The following MLKL variants were observed in gnomAD, a reference collection of about 807,000 sequenced individuals.
MLKL encodes mixed lineage kinase domain like pseudokinase.
Under a neutral mutation model 56.5 loss-of-function variants are expected in MLKL, and 55 were observed. The observed-to-expected ratio is 0.97, with a 90% CI of 0.78 to 1.22. The LOEUF is 1.22. Ranked by LOEUF, MLKL falls within the 50% of genes most tolerant of loss-of-function variation. The pLI, the probability that MLKL is intolerant of heterozygous loss-of-function variation, is 0.00. For missense variants in MLKL, 694 were observed against 573.9 expected, an observed-to-expected ratio of 1.21 and a Z score of -2.14; for synonymous variants, 251 against 208.3, an observed-to-expected ratio of 1.20 and a Z score of -1.76.
At chr16:74,685,432 G>C in intron 5 of MLKL, 54 bp downstream of exon 5, 1 of 1,278,294 alleles carries the variant, frequency 7.8e-7, no homozygotes, top group South Asian at 1.2e-5. Flanking sequence ...TTAAAACACA[G>C]GAGGTGTGTT....
At chr16:74,675,818 A>G (rs1703972078) in intron 7 of MLKL, 54 bp from the exon 8 acceptor site, 2 of 1,579,686 alleles carry the variant, frequency 1.3e-6, no homozygotes, top group Non-Finnish European at 1.7e-6. Context: ...GTAGAGGAGT[A>G]AAGGGCAGGG....
chr16:74,688,662 G>C (rs1960482232), intron 4 of MLKL, among the ~76,000 whole-genome samples: 1 of 152,002 alleles, frequency 6.6e-6, no homozygotes, highest in African/African-American at 2.4e-5. Flanking sequence ...TGCAGTGACT[G>C]ATATCACACC....
rs774989464 is a variant in MLKL, at chr16:74,691,439, T to G, written c.560A>C (p.Glu187Ala). The change falls in exon 4 of 11, where the codon GAG (glutamate) becomes GCG (alanine). Residue 187 changes from glutamate (E) to alanine (A), a missense_variant. Coordinates refer to ENST00000308807, the MANE Select transcript of MLKL (RefSeq NM_152649.4). The part of the protein sequence containing the change: ...RQYLPPKCMQ[E>A]IPQEQIKEIK... ...CTCCTTGATTTGCTCTTGCGGGATC[T>G]CCTGCATGCATTTTGGTGGTAAATC... is the stretch of plus-strand genomic sequence containing the variant. 1.2e-6 allele frequency: 2 copies of G among 1,613,558 alleles called. No individual in the cohort carries two copies. The highest frequency in any genetic ancestry group is 2.2e-5 in the South Asian group (2 of 91,034).
chr16:74,675,470 C>T, intron 8 of MLKL, 66 bp from the exon 9 acceptor site: 1 of 1,586,760 alleles, frequency 6.3e-7, no homozygotes, highest in Non-Finnish European at 8.6e-7. Context: ...CCTCTAGCCA[C>T]TGCCAGAAAA....
rs757908581 is a variant in MLKL, at chr16:74,675,010, A to T, written c.1331T>A (p.Ile444Asn). 2 of 1,613,994 alleles carry T rather than the reference A, an allele frequency of 1.2e-6. No homozygotes were observed. The highest frequency in any genetic ancestry group is 2.2e-5 in the East Asian group (1 of 44,896). Reference sequence around the variant, plus strand: ...ATCATGGGCCCGGCACTCATCAATGATCTCCCGCAGCTCTGAAGGGCAGTC... The same window carrying T: ...ATCATGGGCCCGGCACTCATCAATGTTCTCCCGCAGCTCTGAAGGGCAGTC... Reference protein sequence around the residue: ...GEDCPSELREIIDECRAHDPS... With the variant: ...GEDCPSELRENIDECRAHDPS... Residue 444 changes from isoleucine to asparagine, a missense_variant, in exon 10 of 11, where the codon ATC (isoleucine) becomes AAC (asparagine). Ile to Asn is a moderately radical substitution (Grantham distance 149). Coordinates refer to ENST00000308807, the MANE Select transcript of MLKL (RefSeq NM_152649.4).
chr16:74,682,315 G>A (rs923718428), intron 6 of MLKL, among the ~76,000 whole-genome samples: 1 of 152,096 alleles, frequency 6.6e-6, no homozygotes, highest in Non-Finnish European at 1.5e-5. Context: ...TGTTTAGGAT[G>A]CACTTATACT....
chr16:74,680,114 C>A (rs11640974), intron 6 of MLKL, among the ~76,000 whole-genome samples: 20,791 of 152,116 alleles, frequency 0.14, 1,999 homozygotes, highest in South Asian at 0.44. Flanking sequence ...GCACTTTCAG[C>A]TGTCTATAAG....
At chr16:74,676,155 G>C (rs1959583091) in intron 7 of MLKL, 1 of 727,684 alleles carries the variant, frequency 1.4e-6, no homozygotes, top group African/African-American at 1.9e-5. Flanking sequence ...TAGAGCCACT[G>C]CCTGGCTCGC....
At chr16:74,687,365 A>G (rs147045398) in intron 4 of MLKL, among the ~76,000 whole-genome samples, 87 of 152,302 alleles carry the variant, frequency 5.7e-4, no homozygotes, top group African/African-American at 1.8e-3. Flanking sequence ...ACATTTTCCA[A>G]ATTGACCTAC....
Position 74,682,714 on chromosome 16 carries a change from T to C in MLKL, c.893A>G (p.Glu298Gly), listed in dbSNP as rs1284644578. The change falls in exon 6 of 11, where the codon GAA becomes GGA. Residue 298 changes from glutamate to glycine, a missense_variant. Transcript: ENST00000308807. ...LGTLRELLDR[E>G]KDLTLGKRMV... ...GCGCTTGCCAAGTGTGAGGTCTTTT[T>C]CCCTATCCAACAGCTCCCTCAGGGT... The C allele has an allele frequency of 5.0e-6, 8 of 1,613,994 alleles. No homozygotes were observed. The highest frequency in any genetic ancestry group is 2.2e-5 in the East Asian group (1 of 44,890).
intron 6 of MLKL, among the ~76,000 whole-genome samples, chr16:74,682,067 A>C (rs796775611): frequency 3.6e-4 from 55 of 151,230 alleles, no homozygotes; most frequent in African/African-American, 1.3e-3. Flanking sequence ...GCAGCATGGC[A>C]AAACCTTATC....
intron 4 of MLKL, among the ~76,000 whole-genome samples, chr16:74,690,010 C>T (rs1963265298): frequency 6.6e-6 from 1 of 152,118 alleles, no homozygotes; most frequent in African/African-American, 2.4e-5. Flanking sequence ...AAAAAGCTTG[C>T]AATGTCTAAA....
intron 4 of MLKL, among the ~76,000 whole-genome samples, chr16:74,687,784 T>C (rs1960422397): frequency 2.0e-5 from 3 of 152,178 alleles, no homozygotes; most frequent in Admixed American, 2.0e-4. Flanking sequence ...TTCTACTGCC[T>C]CAGCCTCCCA....
rs1567599137 is a variant in MLKL, at chr16:74,675,362, CG to C, written c.1232del (p.Pro411ArgfsTer16). The C allele has an allele frequency of 6.2e-7, 1 of 1,614,162 alleles. No homozygotes were observed. Among genetic ancestry groups the C allele is most frequent in the South Asian group, 1.1e-5 (1 of 91,090 alleles). ...AGTCTTCACATTCTTCACCTTGAAA[CG>C]GGATATCTCCAGTGGCGATTTCCCA... Reference protein sequence around the residue: ...VLWEIATGDIPFQGCNSEKIR... With the variant: ...VLWEIATGDIXFQGCNSEKIR... On this transcript the variant is annotated frameshift_variant, in exon 9 of 11. Coordinates refer to ENST00000308807, the MANE Select transcript of MLKL (RefSeq NM_152649.4). LOFTEE classifies it high-confidence loss of function.
rs1425301765 is a variant in MLKL at position 74,672,263 on chromosome 16, G to A, written c.*241C>T. Reference sequence around the variant, plus strand: ...CATTGCCAAGAGGTGTGGATACCCAGAAAGATACATTTGACAAACCATCTA... The same window carrying A: ...CATTGCCAAGAGGTGTGGATACCCAAAAAGATACATTTGACAAACCATCTA... On this transcript the variant is annotated 3_prime_UTR_variant, in exon 11 of 11. Coordinates refer to ENST00000308807, the MANE Select transcript of MLKL (RefSeq NM_152649.4). 4.6e-6 allele frequency: 2 copies of A among 438,016 alleles called. No homozygotes were observed. The highest frequency in any genetic ancestry group is 3.9e-5 in the African/African-American group (2 of 50,848). 27.1% of individuals were successfully genotyped at this position (438,016 alleles called of 1,614,324 possible).
intron 6 of MLKL, among the ~76,000 whole-genome samples, chr16:74,680,725 T>G (rs185756901): frequency 6.6e-6 from 1 of 152,316 alleles, no homozygotes; most frequent in Non-Finnish European, 1.5e-5. Context: ...CAGGATGCTC[T>G]TGATCTCTTT....
chr16:74,678,331 A>G, intron 7 of MLKL: 1 of 155,700 alleles, frequency 6.4e-6, no homozygotes, highest in Admixed American at 6.3e-5. Context: ...GTGTCCAGGC[A>G]TCTAAGGGGA....
chr16:74,697,336 C>T (rs771606616), intron 1 of MLKL, among the ~76,000 whole-genome samples: 1 of 152,064 alleles, frequency 6.6e-6, no homozygotes, highest in Non-Finnish European at 1.5e-5. Context: ...ATGAAGTGTA[C>T]CCCATCCCCT....
intron 2 of MLKL, among the ~76,000 whole-genome samples, chr16:74,694,904 G>T (rs1368729084): frequency 6.6e-6 from 1 of 151,824 alleles, no homozygotes; most frequent in Non-Finnish European, 1.5e-5. Flanking sequence ...GCAGAGTCTC[G>T]CTCTGTCGCC....
Sources: gnomAD v4.1 joint callset for allele counts (sites outside exome capture counted in the v4.1 genomes callset) on GRCh38, gnomAD v4.1.1 for gene constraint, MANE v1.5 for transcripts, NCBI Gene and HGNC (gene_info 2026-07-23, HGNC 2026-07-21) for gene names.